OPHN1: variants seen among roughly 807,000 people sequenced by gnomAD.
OPHN1 encodes oligophrenin 1.
Under a neutral mutation model 60.7 loss-of-function variants are expected in OPHN1, and 11 were observed. The observed-to-expected ratio is 0.18, with a 90% CI of 0.11 to 0.30. The LOEUF is 0.30. Ranked by LOEUF, OPHN1 falls within the 10% of genes least tolerant of loss-of-function variation. The probability of loss-of-function intolerance (pLI) is 1.00; values close to 1 mark genes in which losing one functional copy is unlikely to be tolerated. For synonymous variants in OPHN1, 226 were observed against 222.6 expected, an observed-to-expected ratio of 1.02 and a Z score of -0.14; for missense variants, 449 against 611.0, an observed-to-expected ratio of 0.73 and a Z score of 2.80.
At chrX:68,275,813 G>A (rs1316031985) in intron 4 of OPHN1, among the ~76,000 whole-genome samples, 2 of 111,304 alleles carry the variant, frequency 1.8e-5, no homozygotes, top group South Asian at 3.8e-4. Context: ...GAAAGTTGTG[G>A]GGCATTAGTG....
intron 2 of OPHN1, among the ~76,000 whole-genome samples, chrX:68,324,478 T>C (rs2078249713): frequency 9.5e-6 from 1 of 105,015 alleles, no homozygotes; most frequent in Non-Finnish European, 1.9e-5. Flanking sequence ...GGTATGGTGG[T>C]GCGCGCTGTA....
intron 15 of OPHN1, among the ~76,000 whole-genome samples, chrX:68,155,050 G>A (rs2077303369): frequency 1.8e-5 from 2 of 110,544 alleles, no homozygotes; most frequent in African/African-American, 6.6e-5. Flanking sequence ...AGATCAAGTA[G>A]AGAGGCAAAA....
chrX:68,402,524 C>T (rs976904845), intron 2 of OPHN1, among the ~76,000 whole-genome samples: 1 of 111,354 alleles, frequency 9.0e-6, no homozygotes, highest in Non-Finnish European at 1.9e-5. Flanking sequence ...AATGCTTAGC[C>T]GGATTTTGAC....
intron 5 of OPHN1, among the ~76,000 whole-genome samples, chrX:68,247,656 T>G (rs1257295570): frequency 9.1e-6 from 1 of 109,529 alleles, no homozygotes; most frequent in African/African-American, 3.3e-5. Context: ...CAGTGGCTCA[T>G]GCCTGTAATA....
At chrX:68,278,055 C>T (rs2078000688) in intron 4 of OPHN1, among the ~76,000 whole-genome samples, 1 of 111,755 alleles carries the variant, frequency 8.9e-6, no homozygotes, top group Admixed American at 9.5e-5. Context: ...TGTTTGACCC[C>T]AGTTCAGTCT....
chrX:68,206,748 C>T, intron 9 of OPHN1, 75 bp from the exon 10 acceptor site: 1 of 787,777 alleles, frequency 1.3e-6, no homozygotes, highest in Admixed American at 2.2e-5. Flanking sequence ...AAGATGGAAG[C>T]TATTTACACA....
intron 6 of OPHN1, among the ~76,000 whole-genome samples, chrX:68,228,745 A>G (rs2077711039): frequency 9.0e-6 from 1 of 111,419 alleles, no homozygotes; most frequent in Admixed American, 9.6e-5. Flanking sequence ...CAAACTAGGT[A>G]TTGATAGGAT....
chrX:68,300,183 C>T (rs746750566), intron 2 of OPHN1, among the ~76,000 whole-genome samples: 15 of 111,600 alleles, frequency 1.3e-4, no homozygotes, highest in Non-Finnish European at 2.4e-4. Context: ...CCTCCTCCAT[C>T]CTGCATTTTC....
At chrX:68,255,799 T>C (rs1250365308) in intron 5 of OPHN1, among the ~76,000 whole-genome samples, 1 of 110,362 alleles carries the variant, frequency 9.1e-6, no homozygotes, top group African/African-American at 3.3e-5. Flanking sequence ...CCCTAAGACA[T>C]GGTATAATGA....
intron 19 of OPHN1, among the ~76,000 whole-genome samples, chrX:68,082,511 G>A (rs2076977736): frequency 8.9e-6 from 1 of 112,397 alleles, no homozygotes; most frequent in African/African-American, 3.2e-5. Context: ...TAATCTCCTT[G>A]CACATCTCCA....
intron 6 of OPHN1, among the ~76,000 whole-genome samples, chrX:68,221,390 T>G (rs12687332): frequency 0.11 from 1,051 of 9,765 alleles, 302 homozygotes; most frequent in East Asian, 0.6. Context: ...TCCCCATCAA[T>G]CTCCCAATGA....
intron 2 of OPHN1, among the ~76,000 whole-genome samples, chrX:68,383,598 GAAAAAAAAA>G (rs10591078): frequency 8.9e-5 from 2 of 22,360 alleles, no homozygotes; most frequent in East Asian, 1.3e-3. Flanking sequence ...CTCCATCCCA[GAAAAAAAAA>G]AAAAAAAAAA....
chrX:68,359,292 T>C (rs1312428470), intron 2 of OPHN1, among the ~76,000 whole-genome samples: 1 of 111,748 alleles, frequency 8.9e-6, no homozygotes, highest in African/African-American at 3.3e-5. Context: ...TTGTAAATTA[T>C]TTACAATAAC....
chrX:68,107,961 A>C (rs1252752416), intron 18 of OPHN1, among the ~76,000 whole-genome samples: 1 of 112,204 alleles, frequency 8.9e-6, no homozygotes, highest in African/African-American at 3.2e-5. Context: ...CATGTCTAAA[A>C]CAGATCACTT....
At chrX:68,258,816 C>G (rs941626261) in intron 5 of OPHN1, among the ~76,000 whole-genome samples, 3 of 111,543 alleles carry the variant, frequency 2.7e-5, no homozygotes, top group Non-Finnish European at 3.8e-5. Flanking sequence ...TTCTCTTCCA[C>G]CAGTGACTGC....
In OPHN1 at chrX:68,189,981, GA is replaced by G. The variant is rs59158615; in HGVS notation, c.1276+2937del. Among the ~76,000 whole-genome samples the G allele has an allele frequency of 6.3e-3, 621 of 98,039 alleles. 7 individuals are homozygous for G. Among genetic ancestry groups the G allele is most frequent in the African/African-American group, 0.021 (570 of 27,220 alleles). 85.1% of individuals were successfully genotyped at this position (98,039 alleles called of 115,157 possible). On this transcript the variant is annotated intron_variant, in intron 15 of 24. Transcript: ENST00000355520. ...GACTAGCACAGAGCATGAGACATAA[GA>G]AAAAAAAAAAGAGGGAGAGATGTTA...
In OPHN1 at chrX:68,096,905, T is replaced by C; in HGVS notation, c.1651A>G (p.Ile551Val). The C allele has an allele frequency of 8.3e-7, 1 of 1,210,906 alleles. No homozygotes were observed. The highest frequency in any genetic ancestry group is 1.1e-6 in the Non-Finnish European group (1 of 895,064). Residue 551 changes from isoleucine (I) to valine (V), a missense_variant, in exon 19 of 25, where the codon ATA becomes GTA. Ile to Val is a conservative substitution (Grantham distance 29). Coordinates refer to ENST00000355520, the MANE Select transcript of OPHN1 (RefSeq NM_002547.3). ...TGCTCGATTAGTATTTCCACCACTA[T>C]GTTCTGGAATTTGATGTTCATCATG... is the stretch of plus-strand genomic sequence containing the variant. ...AAMMNIKFQN[I>V]VVEILIEHFG... is the part of the protein sequence containing the mutation.
intron 2 of OPHN1, among the ~76,000 whole-genome samples, chrX:68,402,278 A>C: frequency 9.2e-6 from 1 of 108,365 alleles, no homozygotes. Context: ...GAAGGGGAGA[A>C]GAAAGAAGGG....
chrX:68,143,437 T>A (rs1431309690), intron 15 of OPHN1, among the ~76,000 whole-genome samples: 2 of 110,764 alleles, frequency 1.8e-5, no homozygotes, highest in African/African-American at 6.6e-5. Flanking sequence ...CAAAATGAAA[T>A]CAAATTTCTT....
Sources: gnomAD v4.1 joint callset for allele counts (sites outside exome capture counted in the v4.1 genomes callset) on GRCh38, gnomAD v4.1.1 for gene constraint, MANE v1.5 for transcripts, NCBI Gene and HGNC (gene_info 2026-07-23, HGNC 2026-07-21) for gene names.